ST7: variants seen among roughly 807,000 people sequenced by gnomAD.
ST7 encodes suppressor of tumorigenicity 7 protein.
In ST7, 28 loss-of-function variants were observed where a neutral mutation model predicts 78.7. The observed-to-expected ratio is 0.36, with a 90% CI of 0.26 to 0.49. ST7 has a LOEUF of 0.49. Ranked by LOEUF, ST7 falls within the 20% of genes least tolerant of loss-of-function variation. ST7 has a pLI of 0.99. For missense variants in ST7, 418 were observed against 696.0 expected (o/e 0.60, Z 4.49); for synonymous variants, 247 against 249.6 (o/e 0.99, Z 0.10).
intron 2 of ST7, 97 bp from the exon 3 acceptor site, chr7:117,119,464 A>C: frequency 1.7e-6 from 2 of 1,148,252 alleles, no homozygotes; most frequent in South Asian, 1.9e-5. Context: ...AAATATACTT[A>C]AGGTGGAATT....
chr7:117,004,937 C>T (rs981855762), intron 1 of ST7, among the ~76,000 whole-genome samples: 3 of 152,034 alleles, frequency 2.0e-5, no homozygotes, highest in African/African-American at 7.2e-5. Flanking sequence ...GGGAACTTAG[C>T]ATGTTTTATG....
rs567266739 is a variant in ST7 at position 117,141,355 on chromosome 7, TA to T, written c.963+2832del. On this transcript the variant is annotated intron_variant, in intron 9 of 15. Transcript: ENST00000323984. ...GAAACTGTTAATTGAAAAGAGATTC[TA>T]AAAAAAAATGAAAGGGAATTCTGGG... Among the ~76,000 whole-genome samples, 25 of 151,330 alleles carry T rather than the reference TA, an allele frequency of 1.7e-4. No individual in the cohort carries two copies. The South Asian group carries it at 5.2e-3, about 32-fold the overall frequency.
chr7:116,983,655 A>T (rs954550597), intron 1 of ST7, among the ~76,000 whole-genome samples: 1 of 152,010 alleles, frequency 6.6e-6, no homozygotes, highest in Non-Finnish European at 1.5e-5. Context: ...TGCCGCATGC[A>T]TCGATGCTGT....
intron 1 of ST7, among the ~76,000 whole-genome samples, chr7:117,012,641 A>ATC (rs1795434245): frequency 6.6e-6 from 1 of 152,166 alleles, no homozygotes; most frequent in Non-Finnish European, 1.5e-5. Context: ...AATGAAGATA[A>ATC]TCTATCTAGT....
At chr7:117,093,854 T>G (rs1234144771) in intron 1 of ST7, among the ~76,000 whole-genome samples, 1 of 152,220 alleles carries the variant, frequency 6.6e-6, no homozygotes, top group Non-Finnish European at 1.5e-5. Context: ...TTTTAAAATT[T>G]TATAGACAAT....
At chr7:117,098,930 C>A in intron 1 of ST7, 1 of 965,624 alleles carries the variant, frequency 1.0e-6, no homozygotes, top group Non-Finnish European at 1.4e-6. Flanking sequence ...AATCAGTGAG[C>A]AACAAGGTTA....
chr7:116,974,550 C>T (rs979911144), intron 1 of ST7, among the ~76,000 whole-genome samples: 2 of 152,192 alleles, frequency 1.3e-5, no homozygotes, highest in Non-Finnish European at 2.9e-5. Flanking sequence ...CTCGGTCTCC[C>T]AAAGTGCTGG....
chr7:116,972,518 T>C (rs1456626091), intron 1 of ST7: 3 of 1,080,454 alleles, frequency 2.8e-6, no homozygotes, highest in Non-Finnish European at 4.2e-6. Flanking sequence ...ATCACCAACT[T>C]ATGAGCTACC....
chr7:117,065,974 TC>T (rs1798612261), intron 1 of ST7, among the ~76,000 whole-genome samples: 2 of 152,188 alleles, frequency 1.3e-5, no homozygotes, highest in African/African-American at 4.8e-5. Context: ...ACTTAAACTT[TC>T]CTTTGTCTGC....
chr7:117,122,832 A>C (rs1283633160), intron 3 of ST7, among the ~76,000 whole-genome samples: 1 of 152,108 alleles, frequency 6.6e-6, no homozygotes, highest in Admixed American at 6.6e-5. Context: ...GGTGATTTTG[A>C]TTTTTGAATA....
intron 9 of ST7, among the ~76,000 whole-genome samples, chr7:117,142,432 C>T (rs1212576332): frequency 6.6e-6 from 1 of 151,908 alleles, no homozygotes; most frequent in East Asian, 1.9e-4. Context: ...CCTAAGCTTC[C>T]ACCTACTAGA....
intron 9 of ST7, among the ~76,000 whole-genome samples, chr7:117,153,797 G>A (rs947879898): frequency 2.0e-5 from 3 of 152,136 alleles, no homozygotes; most frequent in Non-Finnish European, 4.4e-5. Context: ...GTTATCTCCC[G>A]AATGTGAGGT....
intron 15 of ST7, 150 bp from the exon 16 acceptor site, chr7:117,229,612 G>C (rs777777969): frequency 1.4e-5 from 10 of 697,602 alleles, no homozygotes; most frequent in Admixed American, 2.3e-5. Flanking sequence ...ACCATCAGCT[G>C]ATGTTTCCTG....
At chr7:116,954,774 C>A (rs1326777540) in intron 1 of ST7, 4 of 258,602 alleles carry the variant, frequency 1.5e-5, no homozygotes, top group Non-Finnish European at 3.1e-5. Flanking sequence ...ACATATATAT[C>A]TTCCCTTGTT....
chr7:116,983,581 G>A (rs1016923190), intron 1 of ST7, among the ~76,000 whole-genome samples: 11 of 152,074 alleles, frequency 7.2e-5, no homozygotes, highest in Non-Finnish European at 1.5e-5. Flanking sequence ...GACACCACAT[G>A]CAGCCTGCCC....
At chr7:117,152,114 A>G (rs938699873) in intron 9 of ST7, among the ~76,000 whole-genome samples, 6 of 134,372 alleles carry the variant, frequency 4.5e-5, no homozygotes, top group Non-Finnish European at 7.6e-5. Context: ...GTGAGACACC[A>G]TCTCAAAAAA....
At chr7:116,995,253 A>G (rs564891704) in intron 1 of ST7, among the ~76,000 whole-genome samples, 1 of 152,226 alleles carries the variant, frequency 6.6e-6, no homozygotes, top group East Asian at 1.9e-4. Flanking sequence ...TACTCATAAG[A>G]GACAAAATAA....
rs141422887 is a variant in ST7 at position 117,140,129 on chromosome 7, A to G, written c.963+1597A>G. On this transcript the variant is annotated intron_variant, in intron 9 of 15. Coordinates refer to ENST00000323984, the MANE Select transcript of ST7 (RefSeq NM_001369598.1). Reference sequence around the variant, plus strand: ...GGTTTTTTCTGTCAGTCTCTTGGTTATCATAATTTTCAGTACATATAAAAT... The same window carrying G: ...GGTTTTTTCTGTCAGTCTCTTGGTTGTCATAATTTTCAGTACATATAAAAT... Among the ~76,000 whole-genome samples the G allele has an allele frequency of 2.9e-3, 448 of 152,348 alleles. 3 individuals carry two copies. The highest frequency in any genetic ancestry group is 0.01 in the African/African-American group (434 of 41,586).
At chr7:117,175,984 A>G (rs979491555) in intron 10 of ST7, among the ~76,000 whole-genome samples, 5 of 152,336 alleles carry the variant, frequency 3.3e-5, no homozygotes, top group African/African-American at 9.6e-5. Context: ...TAGATATTTG[A>G]TAAGAACTAA....
Sources: allele counts gnomAD v4.1 joint callset (sites outside exome capture counted in the v4.1 genomes callset), GRCh38; gene constraint gnomAD v4.1.1; transcripts MANE v1.5; gene names NCBI Gene and HGNC (gene_info 2026-07-23, HGNC 2026-07-21).